The following SPAG6 variants were observed in gnomAD, a reference collection of about 807,000 sequenced individuals.
SPAG6 encodes the protein sperm-associated antigen 6.
SPAG6 carries 49 observed loss-of-function variants against 58.5 expected under a neutral mutation model. The ratio of observed to expected loss-of-function variants is 0.84; its 90% CI spans 0.67 to 1.06. The LOEUF (loss-of-function observed/expected upper bound fraction) is 1.06. Among genes scored for constraint, SPAG6 ranks in the 50% least tolerant of loss-of-function variants. The probability of loss-of-function intolerance (pLI) is 0.00; values close to 1 mark genes in which losing one functional copy is unlikely to be tolerated. For missense variants in SPAG6, 560 were observed against 611.3 expected (o/e 0.92, Z 0.89); for synonymous variants, 233 against 225.6 (o/e 1.03, Z -0.29).
At chr10:22,399,131 T>G (rs1834357024) in intron 8 of SPAG6, among the ~76,000 whole-genome samples, 1 of 152,226 alleles carries the variant, frequency 6.6e-6, no homozygotes, top group South Asian at 2.1e-4. Context: ...GTTTAAGTCT[T>G]TTTAACAACT....
rs761419289 is a variant in SPAG6, at chr10:22,391,827, T to A, written c.1104T>A (p.Pro368=). Reference sequence around the variant, plus strand: ...TAGGACAGATTGGAAGACACACTCCTGAACACGCACGGGCTGTTGCAGTCA... The same window carrying A: ...TAGGACAGATTGGAAGACACACTCCAGAACACGCACGGGCTGTTGCAGTCA... ...WALGQIGRHT[P]EHARAVAVTN... The change falls in exon 8 of 11, where the codon CCT becomes CCA. Residue 368 remains proline (P), a synonymous_variant. Coordinates refer to ENST00000376624, the MANE Select transcript of SPAG6 (RefSeq NM_012443.4). The A allele has an allele frequency of 1.2e-6, 2 of 1,613,588 alleles. No homozygotes were observed. Among genetic ancestry groups the A allele is most frequent in the Non-Finnish European group, 1.7e-6 (2 of 1,179,734 alleles).
At chr10:22,360,807 G>C in intron 2 of SPAG6, 13 of 1,533,988 alleles carry the variant, frequency 8.5e-6, no homozygotes, top group Non-Finnish European at 1.1e-5. Flanking sequence ...TTTAATTTGT[G>C]AACTCTAAAT....
Position 22,387,797 on chromosome 10 carries a change from GTTGTTGTTT to G in SPAG6, c.679-23_679-15del. Reference sequence around the variant, plus strand: ...AGTGGATGCTATATAGTGTTTTGTTGTTGTTGTTTTTTTTTTGCTTCACAGCATCAGATC... The same window carrying G: ...AGTGGATGCTATATAGTGTTTTGTTGTTTTTTTGCTTCACAGCATCAGATC... On this transcript the variant is annotated splice_polypyrimidine_tract_variant and intron_variant, in intron 5 of 10. Transcript: ENST00000376624. 6.3e-7 allele frequency: 1 copy of G among 1,589,738 alleles called. No homozygotes were observed. Among genetic ancestry groups the G allele is most frequent in the Non-Finnish European group, 8.5e-7 (1 of 1,172,422 alleles).
chr10:22,364,517 G>T (rs796359882), intron 2 of SPAG6, among the ~76,000 whole-genome samples: 6 of 152,206 alleles, frequency 3.9e-5, no homozygotes, highest in African/African-American at 1.4e-4. Flanking sequence ...TATCTTTTTT[G>T]TGTTAGGCAT....
In SPAG6 at chr10:22,411,080, G is replaced by C. The variant is rs748741409; in HGVS notation, c.1364G>C (p.Gly455Ala). Residue 455 changes from glycine to alanine, a missense_variant, in exon 10 of 11, where the codon GGC (glycine) becomes GCC (alanine). Transcript: ENST00000376624. ...KARRLFVTSG[G>A]LKKVQEIKAE... ...CGACGACTTTTTGTAACAAGTGGTG[G>C]CCTTAAAAAAGTTCAAGAGATAAAA... 9.9e-6 allele frequency: 16 copies of C among 1,614,048 alleles called. No individual in the cohort carries two copies. Among genetic ancestry groups the C allele is most frequent in the Middle Eastern group, 1.6e-4 (1 of 6,062 alleles).
chr10:22,416,942 C>A lies in SPAG6; in HGVS notation c.*254C>A. 3.4e-6 allele frequency: 1 copy of A among 298,362 alleles called. No individual in the cohort carries two copies. Among genetic ancestry groups the A allele is most frequent in the Non-Finnish European group, 6.3e-6 (1 of 157,894 alleles). 18.5% of individuals were successfully genotyped at this position (298,362 alleles called of 1,614,324 possible). ...AAAAACACGTTAAAGGGCCTTAAGGCATTTTGTTATTCTGTTAAAAACCAC... is the reference window on the plus strand; with the variant it reads ...AAAAACACGTTAAAGGGCCTTAAGGAATTTTGTTATTCTGTTAAAAACCAC... On this transcript the variant is annotated 3_prime_UTR_variant, in exon 11 of 11. Transcript: ENST00000376624.
intron 9 of SPAG6, among the ~76,000 whole-genome samples, chr10:22,403,399 C>T (rs1393290809): frequency 6.6e-6 from 1 of 151,730 alleles, no homozygotes; most frequent in Non-Finnish European, 1.5e-5. Context: ...GTTTTTTGTT[C>T]TTGCGATAGT....
chr10:22,403,500 T>A (rs1279962873), intron 9 of SPAG6, among the ~76,000 whole-genome samples: 2 of 152,258 alleles, frequency 1.3e-5, no homozygotes, highest in Non-Finnish European at 2.9e-5. Context: ...TTCCATGGTG[T>A]ATATGTGCCA....
intron 8 of SPAG6, among the ~76,000 whole-genome samples, chr10:22,400,515 G>A (rs1834387342): frequency 6.6e-6 from 1 of 151,854 alleles, no homozygotes; most frequent in South Asian, 2.1e-4. Flanking sequence ...GCAGGAGGGG[G>A]TAGAAATGGT....
rs7920038 is a variant in SPAG6, at chr10:22,365,501, C to G, written c.288+482C>G. ...CTTTTTTTACCAAGTTATAGGCATG[C>G]CAACTCTGTTAAGCACTATCTGAAA... On this transcript the variant is annotated intron_variant, in intron 3 of 10. Coordinates refer to ENST00000376624, the MANE Select transcript of SPAG6 (RefSeq NM_012443.4). Among the ~76,000 whole-genome samples the G allele has an allele frequency of 6.6e-5, 10 of 152,150 alleles. No homozygotes were observed. The East Asian group carries it at 1.4e-3, about 21-fold the overall frequency.
intron 8 of SPAG6, among the ~76,000 whole-genome samples, chr10:22,395,804 C>T (rs966676385): frequency 6.6e-6 from 1 of 152,096 alleles, no homozygotes; most frequent in Non-Finnish European, 1.5e-5. Flanking sequence ...AAGATTTACT[C>T]CTATGTTCCT....
chr10:22,371,337 T>G (rs1253905844), intron 4 of SPAG6, among the ~76,000 whole-genome samples: 2 of 152,090 alleles, frequency 1.3e-5, no homozygotes, highest in African/African-American at 4.8e-5. Context: ...CGCTGCAACC[T>G]CCACCTCCCG....
intron 4 of SPAG6, among the ~76,000 whole-genome samples, chr10:22,382,641 T>G (rs1403552544): frequency 6.6e-6 from 1 of 152,170 alleles, no homozygotes; most frequent in East Asian, 1.9e-4. Flanking sequence ...GTTGGATGTG[T>G]AGTATGTATG....
chr10:22,405,554 G>T (rs1445003416), intron 9 of SPAG6, among the ~76,000 whole-genome samples: 10 of 150,070 alleles, frequency 6.7e-5, no homozygotes, highest in Admixed American at 6.7e-4. Context: ...TTTTATTGAG[G>T]ATTTTTGCAT....
intron 4 of SPAG6, among the ~76,000 whole-genome samples, chr10:22,380,532 C>T (rs1833928696): frequency 6.6e-6 from 1 of 151,962 alleles, no homozygotes; most frequent in African/African-American, 2.4e-5. Flanking sequence ...GTTTTGAACT[C>T]CTGGCTTCAA....
chr10:22,408,763 G>A (rs989236708), intron 9 of SPAG6, among the ~76,000 whole-genome samples: 1 of 152,240 alleles, frequency 6.6e-6, no homozygotes, highest in African/African-American at 2.4e-5. Context: ...TTTGATCTCA[G>A]ACTGCTGTGC....
chr10:22,346,430 G>GTTTTTCTTC (rs1836531651), intron 2 of SPAG6, among the ~76,000 whole-genome samples: 1 of 95,920 alleles, frequency 1.0e-5, no homozygotes, highest in Non-Finnish European at 2.2e-5. Context: ...AGAGAAAATG[G>GTTTTTCTTC]TTCTTCTTCT....
chr10:22,409,006 C>T (rs1486277032), intron 9 of SPAG6, among the ~76,000 whole-genome samples: 1 of 151,942 alleles, frequency 6.6e-6, no homozygotes, highest in Non-Finnish European at 1.5e-5. Context: ...CGCGCACCCA[C>T]TGACCTGCGC....
chr10:22,345,898 G>A lies in SPAG6; in HGVS notation c.121+80G>A, dbSNP rs756162272. On this transcript the variant is annotated intron_variant, in intron 2 of 10. Transcript: ENST00000376624. This position sits in a 1 kb window ranked among gnomAD's most constrained non-coding sequence, Gnocchi z 6.3. ...TCCGCCCCGCTGCCCTGCCCGTGGA[G>A]CTCTTGGGGAGCCGCAGTGTGGGGA... 6 of 1,578,224 alleles carry A rather than the reference G, an allele frequency of 3.8e-6. No homozygotes were observed. Among genetic ancestry groups the A allele is most frequent in the African/African-American group, 2.7e-5 (2 of 73,706 alleles).
Sources: allele counts gnomAD v4.1 joint callset (sites outside exome capture counted in the v4.1 genomes callset), GRCh38; gene constraint gnomAD v4.1.1; non-coding constraint Gnocchi (gnomAD v3.1); transcripts MANE v1.5; gene names NCBI Gene and HGNC (gene_info 2026-07-23, HGNC 2026-07-21).